RSRC1: variants seen among roughly 807,000 people sequenced by gnomAD.
RSRC1 encodes serine/Arginine-related protein 53.
RSRC1 carries 39 observed loss-of-function variants against 49.1 expected under a neutral mutation model. The observed-to-expected ratio is 0.79, with a 90% confidence interval of 0.61 to 1.04. The LOEUF (loss-of-function observed/expected upper bound fraction) is 1.04, where lower values mean the gene tolerates loss of function less well. Ranked by LOEUF, RSRC1 falls within the 50% of genes least tolerant of loss-of-function variation. The pLI, the probability that RSRC1 is intolerant of heterozygous loss-of-function variation, is 0.00. For missense variants in RSRC1, 388 were observed against 402.4 expected, an observed-to-expected ratio of 0.96 and a Z score of 0.31; for synonymous variants, 143 against 130.8, an observed-to-expected ratio of 1.09 and a Z score of -0.63.
At chr3:158,519,415 A>T (rs1711539527) in intron 7 of RSRC1, among the ~76,000 whole-genome samples, 1 of 151,846 alleles carries the variant, frequency 6.6e-6, no homozygotes, top group South Asian at 2.1e-4. Flanking sequence ...GTTCAGACTG[A>T]GTGCTCTGGG....
At chr3:158,197,933 G>A (rs1293208055) in intron 3 of RSRC1, among the ~76,000 whole-genome samples, 1 of 152,136 alleles carries the variant, frequency 6.6e-6, no homozygotes, top group Non-Finnish European at 1.5e-5. Context: ...TTTTGGAGTA[G>A]GAGTGGTGTG....
intron 7 of RSRC1, among the ~76,000 whole-genome samples, chr3:158,518,148 A>ATGTATATTTTTTTTTTTTT (rs1310027981): frequency 2.3e-5 from 1 of 44,142 alleles, no homozygotes; most frequent in African/African-American, 1.5e-4. Flanking sequence ...ATATATATAT[A>ATGTATATTTTTTTTTTTTT]TTTTTTTTTT....
intron 7 of RSRC1, among the ~76,000 whole-genome samples, chr3:158,503,537 GA>G (rs1455529351): frequency 1.3e-5 from 2 of 152,164 alleles, no homozygotes; most frequent in East Asian, 3.9e-4. Context: ...TCTGAGCTCA[GA>G]CTCTCTTTGG....
intron 3 of RSRC1, among the ~76,000 whole-genome samples, chr3:158,180,997 A>G (rs1719590259): frequency 6.7e-6 from 1 of 149,798 alleles, no homozygotes; most frequent in South Asian, 2.1e-4. Context: ...GTAGAGACGG[A>G]GTTTCACTGT....
intron 2 of RSRC1, among the ~76,000 whole-genome samples, chr3:158,123,317 A>T (rs896385725): frequency 1.3e-5 from 2 of 151,568 alleles, no homozygotes; most frequent in South Asian, 2.1e-4. Flanking sequence ...TTAATTTTAA[A>T]TTTTTTTAGA....
chr3:158,238,575 G>A (rs993137059), intron 4 of RSRC1, among the ~76,000 whole-genome samples: 3 of 151,498 alleles, frequency 2.0e-5, no homozygotes, highest in Non-Finnish European at 4.4e-5. Flanking sequence ...TATTTACAAC[G>A]ATCTGATCTT....
At chr3:158,246,495 G>A (rs905196700) in intron 4 of RSRC1, among the ~76,000 whole-genome samples, 1 of 151,852 alleles carries the variant, frequency 6.6e-6, no homozygotes, top group Non-Finnish European at 1.5e-5. Flanking sequence ...TTACTTAAGT[G>A]TGTTTTTGTT....
intron 6 of RSRC1, among the ~76,000 whole-genome samples, chr3:158,420,887 T>A (rs1325445235): frequency 6.6e-6 from 1 of 151,928 alleles, no homozygotes; most frequent in African/African-American, 2.4e-5. Flanking sequence ...TCATGGAATG[T>A]ACATTCTGGT....
chr3:158,339,869 G>A (rs926691834), intron 5 of RSRC1, among the ~76,000 whole-genome samples: 6 of 152,160 alleles, frequency 3.9e-5, no homozygotes, highest in Non-Finnish European at 7.3e-5. Context: ...GGGCATTACA[G>A]GAAGACAGAG....
intron 5 of RSRC1, among the ~76,000 whole-genome samples, chr3:158,340,840 C>T (rs1398380760): frequency 6.6e-6 from 1 of 152,176 alleles, no homozygotes; most frequent in Non-Finnish European, 1.5e-5. Context: ...TTGGAACTCC[C>T]TAGAGACTTG....
chr3:158,247,500 T>C (rs1230319585), intron 4 of RSRC1, among the ~76,000 whole-genome samples: 1 of 152,218 alleles, frequency 6.6e-6, no homozygotes, highest in Non-Finnish European at 1.5e-5. Flanking sequence ...TGCACTGATT[T>C]GCAGGGTTTT....
intron 7 of RSRC1, among the ~76,000 whole-genome samples, chr3:158,520,984 T>A (rs1034952250): frequency 1.3e-5 from 2 of 152,156 alleles, no homozygotes; most frequent in Admixed American, 1.3e-4. Flanking sequence ...TTACAGATAC[T>A]ACAAACTGGT....
At chr3:158,493,089 A>G (rs1010918589) in intron 7 of RSRC1, among the ~76,000 whole-genome samples, 1 of 152,112 alleles carries the variant, frequency 6.6e-6, no homozygotes, top group African/African-American at 2.4e-5. Context: ...CTGGAGGGGG[A>G]GTGGGAATCT....
chr3:158,199,529 T>A (rs1465535945), intron 3 of RSRC1, among the ~76,000 whole-genome samples: 2 of 152,188 alleles, frequency 1.3e-5, no homozygotes, highest in African/African-American at 4.8e-5. Context: ...TCTTTAATGT[T>A]TCCTTTCTTC....
intron 5 of RSRC1, among the ~76,000 whole-genome samples, chr3:158,321,575 T>TAA (rs112954867): frequency 6.8e-6 from 1 of 148,040 alleles, no homozygotes; most frequent in African/African-American, 2.5e-5. Flanking sequence ...TTTTTTTTTT[T>TAA]AAACACACTA....
At chr3:158,350,161 A>AATAT (rs1330999499) in intron 5 of RSRC1, among the ~76,000 whole-genome samples, 3 of 139,528 alleles carry the variant, frequency 2.2e-5, no homozygotes, top group African/African-American at 5.4e-5. Context: ...AAACAACAGA[A>AATAT]ATATATATAT....
At chr3:158,161,214 G>A (rs950570682) in intron 3 of RSRC1, among the ~76,000 whole-genome samples, 2 of 152,216 alleles carry the variant, frequency 1.3e-5, no homozygotes, top group South Asian at 2.1e-4. Context: ...AGTCAGCTGG[G>A]CCTCTTCTGA....
intron 5 of RSRC1, among the ~76,000 whole-genome samples, chr3:158,311,521 T>C (rs1728125353): frequency 6.6e-6 from 1 of 151,960 alleles, no homozygotes; most frequent in African/African-American, 2.4e-5. Context: ...AGAAAATTGC[T>C]GGAAACCTTG....
intron 7 of RSRC1, among the ~76,000 whole-genome samples, chr3:158,528,706 T>A (rs1712193349): frequency 6.6e-6 from 1 of 152,008 alleles, no homozygotes; most frequent in Admixed American, 6.6e-5. Context: ...TATTCTGACC[T>A]ATTAATCTGG....
Sources: gnomAD v4.1 joint callset for allele counts (sites outside exome capture counted in the v4.1 genomes callset) on GRCh38, gnomAD v4.1.1 for gene constraint, MANE v1.5 for transcripts, NCBI Gene and HGNC (gene_info 2026-07-23, HGNC 2026-07-21) for gene names.